The following GRAMD1B variants were observed in gnomAD, a reference collection of about 807,000 sequenced individuals.
GRAMD1B encodes GRAM domain containing 1B, also known as protein Aster-B.
Under a neutral mutation model 99.7 loss-of-function variants are expected in GRAMD1B, and 37 were observed. That is an observed-to-expected ratio of 0.37 (90% CI 0.29 to 0.49). The LOEUF is 0.49. Ranked by LOEUF, GRAMD1B falls within the 20% of genes least tolerant of loss-of-function variation. The pLI is 0.98. For missense variants in GRAMD1B, 888 were observed against 1,009.2 expected (o/e 0.88, Z 1.63); for synonymous variants, 427 against 387.6 (o/e 1.10, Z -1.19).
intron 2 of GRAMD1B, among the ~76,000 whole-genome samples, chr11:123,544,991 G>A (rs1332762746): frequency 6.6e-6 from 1 of 152,206 alleles, no homozygotes; most frequent in East Asian, 1.9e-4. Flanking sequence ...CCAACTGCCT[G>A]TCTCCCTCTG....
upstream of GRAMD1B, among the ~76,000 whole-genome samples, chr11:123,425,348 G>A (rs145516254): frequency 3.9e-5 from 6 of 152,248 alleles, 1 homozygote; most frequent in African/African-American, 1.4e-4. Context: ...GGACAGGTGG[G>A]GCGACCTCAG....
chr11:123,387,611 T>C (rs1341887271), intron 1 of GRAMD1B, among the ~76,000 whole-genome samples: 1 of 151,914 alleles, frequency 6.6e-6, no homozygotes, highest in Non-Finnish European at 1.5e-5. Context: ...AGCCAACAAG[T>C]TCCTTTACTA....
intron 1 of GRAMD1B, among the ~76,000 whole-genome samples, chr11:123,411,535 G>T (rs533675600): frequency 1.3e-5 from 2 of 152,184 alleles, no homozygotes; most frequent in Admixed American, 1.3e-4. Flanking sequence ...TGTAGCAGTT[G>T]TGGGCTTGGT....
intron 1 of GRAMD1B, among the ~76,000 whole-genome samples, chr11:123,364,143 T>C (rs1041126088): frequency 2.0e-5 from 3 of 152,218 alleles, no homozygotes; most frequent in Admixed American, 6.5e-5. Context: ...ACCTTTAAAA[T>C]GCTGTTTTTA....
chr11:123,617,651 C>T (rs960949784), intron 17 of GRAMD1B, among the ~76,000 whole-genome samples: 1 of 152,156 alleles, frequency 6.6e-6, no homozygotes, highest in African/African-American at 2.4e-5. Context: ...GTATTACTGT[C>T]CCTAGGTTGG....
intron 2 of GRAMD1B, among the ~76,000 whole-genome samples, chr11:123,550,157 G>T: frequency 6.6e-6 from 1 of 152,328 alleles, no homozygotes; most frequent in East Asian, 1.9e-4. Flanking sequence ...CCTCTGGAGA[G>T]TCCAGGCTGA....
At chr11:123,513,652 C>CCTTTCTTT (rs571894757) in intron 2 of GRAMD1B, among the ~76,000 whole-genome samples, 10 of 30,834 alleles carry the variant, frequency 3.2e-4, no homozygotes, top group African/African-American at 8.0e-4. Context: ...CTTTTTCTTA[C>CCTTTCTTT]CTTTCTTTCT....
At chr11:123,618,445 C>G in intron 17 of GRAMD1B, 1 of 1,160,766 alleles carries the variant, frequency 8.6e-7, no homozygotes, top group Non-Finnish European at 1.3e-6. Flanking sequence ...GTTCTGGGTG[C>G]CTATGCATCT....
At chr11:123,540,454 G>C (rs1480710503) in intron 2 of GRAMD1B, among the ~76,000 whole-genome samples, 2 of 152,140 alleles carry the variant, frequency 1.3e-5, no homozygotes, top group Non-Finnish European at 2.9e-5. Flanking sequence ...TGCTCAAAAA[G>C]TATTTGCTGG....
chr11:123,427,184 G>C (rs564339241), upstream of GRAMD1B, among the ~76,000 whole-genome samples: 1 of 152,216 alleles, frequency 6.6e-6, no homozygotes, highest in Non-Finnish European at 1.5e-5. Flanking sequence ...AGATTCTGAC[G>C]CAGGGCATGA....
At chr11:123,377,585 G>C (rs1308259910) in intron 1 of GRAMD1B, among the ~76,000 whole-genome samples, 2 of 152,186 alleles carry the variant, frequency 1.3e-5, no homozygotes, top group Non-Finnish European at 2.9e-5. Context: ...AGGCCGGCTG[G>C]AAGGGAAAGG....
intron 1 of GRAMD1B, among the ~76,000 whole-genome samples, chr11:123,363,979 G>C (rs139161225): frequency 6.6e-6 from 1 of 152,118 alleles, no homozygotes; most frequent in African/African-American, 2.4e-5. Flanking sequence ...ATGTTAAGGG[G>C]GCCAATCAAT....
chr11:123,580,705 G>A (rs1949257377), intron 3 of GRAMD1B, among the ~76,000 whole-genome samples: 1 of 152,150 alleles, frequency 6.6e-6, no homozygotes, highest in Admixed American at 6.5e-5. Context: ...TTGTGCTACC[G>A]CCCAGCTTCC....
chr11:123,404,253 G>T (rs560750318), intron 1 of GRAMD1B, among the ~76,000 whole-genome samples: 44 of 152,142 alleles, frequency 2.9e-4, no homozygotes, highest in Non-Finnish European at 1.8e-4. Flanking sequence ...ACTGTTCCAT[G>T]TGTAGATTCA....
intron 2 of GRAMD1B, among the ~76,000 whole-genome samples, chr11:123,502,963 G>T (rs77578479): frequency 2.0e-5 from 3 of 152,096 alleles, no homozygotes; most frequent in Middle Eastern, 3.2e-3. Flanking sequence ...ATGTGATCCC[G>T]TGGCTGACTG....
chr11:123,525,877 C>CG (rs898374119), intron 2 of GRAMD1B: 1 of 523,292 alleles, frequency 1.9e-6, no homozygotes, highest in South Asian at 2.3e-5. Context: ...AGCCACAGCT[C>CG]GGGCAGGCGG....
intron 3 of GRAMD1B, among the ~76,000 whole-genome samples, chr11:123,581,941 C>G (rs1328003484): frequency 3.3e-5 from 5 of 152,250 alleles, no homozygotes; most frequent in Non-Finnish European, 5.9e-5. Context: ...GAGTCACAGG[C>G]ATCCGGGGTC....
intron 2 of GRAMD1B, among the ~76,000 whole-genome samples, chr11:123,525,271 G>A (rs144231224): frequency 6.6e-6 from 1 of 152,346 alleles, no homozygotes; most frequent in East Asian, 1.9e-4. Context: ...CTGCCTGGGA[G>A]CACGCAGCCC....
In GRAMD1B at chr11:123,554,541, A is replaced by G. The variant is rs545198252; in HGVS notation, c.453-22826A>G. Among the ~76,000 whole-genome samples, 43 of 150,726 alleles carry G rather than the reference A, an allele frequency of 2.9e-4. No individual in the cohort carries two copies. In the Middle Eastern group the frequency reaches 0.014, roughly 48 times the overall value. On this transcript the variant is annotated intron_variant, in intron 2 of 19. Coordinates refer to ENST00000635736, the MANE Select transcript of GRAMD1B (RefSeq NM_001387025.1). Reference sequence around the variant, plus strand: ...CCATCTTTACAAAAAAAAAAAAAAAAAAAAGAAAGAAAGAAACAAAATGCC... The same window carrying G: ...CCATCTTTACAAAAAAAAAAAAAAAGAAAAGAAAGAAAGAAACAAAATGCC...
Sources: allele counts gnomAD v4.1 joint callset (sites outside exome capture counted in the v4.1 genomes callset), GRCh38; gene constraint gnomAD v4.1.1; transcripts MANE v1.5; gene names NCBI Gene and HGNC (gene_info 2026-07-23, HGNC 2026-07-21).